Variants in CAMK2D observed in about 807,000 individuals in gnomAD.
CAMK2D encodes the protein calcium/calmodulin dependent protein kinase II delta, also known as calcium/calmodulin-dependent protein kinase type II subunit delta.
Under a neutral mutation model 84.0 loss-of-function variants are expected in CAMK2D, and 37 were observed. The ratio of observed to expected loss-of-function variants is 0.44; its 90% CI spans 0.34 to 0.58. CAMK2D has a LOEUF of 0.58. Ranked by LOEUF, CAMK2D falls within the 20% of genes least tolerant of loss-of-function variation. The probability of loss-of-function intolerance (pLI) is 0.02; values close to 1 mark genes in which losing one functional copy is unlikely to be tolerated. For synonymous variants in CAMK2D, 202 were observed against 212.5 expected (o/e 0.95, Z 0.43); for missense variants, 448 against 652.5 (o/e 0.69, Z 3.41).
intron 4 of CAMK2D, among the ~76,000 whole-genome samples, chr4:113,564,600 A>T (rs1451251478): frequency 6.6e-6 from 1 of 152,132 alleles, no homozygotes; most frequent in African/African-American, 2.4e-5. Context: ...TATTTTTGGT[A>T]TCCCTTGAAC....
At chr4:113,746,830 T>C (rs1299553769) in intron 2 of CAMK2D, among the ~76,000 whole-genome samples, 1 of 151,832 alleles carries the variant, frequency 6.6e-6, no homozygotes, top group Non-Finnish European at 1.5e-5. Flanking sequence ...ACTAAAATTC[T>C]ACTTGAGGTC....
At chr4:113,550,512 T>C (rs964402230) in intron 5 of CAMK2D, among the ~76,000 whole-genome samples, 2 of 152,242 alleles carry the variant, frequency 1.3e-5, no homozygotes, top group Non-Finnish European at 2.9e-5. Context: ...GGAATGTTCC[T>C]TCTCTTTGAT....
intron 16 of CAMK2D, among the ~76,000 whole-genome samples, chr4:113,478,559 A>G (rs1460592557): frequency 1.3e-5 from 2 of 152,182 alleles, no homozygotes; most frequent in Non-Finnish European, 2.9e-5. Flanking sequence ...CTCTTCCTAC[A>G]TTGGTCAAAA....
intron 4 of CAMK2D, among the ~76,000 whole-genome samples, chr4:113,593,188 C>T (rs2098901296): frequency 6.6e-6 from 1 of 152,144 alleles, no homozygotes; most frequent in African/African-American, 2.4e-5. Flanking sequence ...ATTATGAGGA[C>T]TTTTGGTTTC....
chr4:113,494,798 T>C (rs922243899), intron 16 of CAMK2D, among the ~76,000 whole-genome samples: 1 of 152,208 alleles, frequency 6.6e-6, no homozygotes, highest in African/African-American at 2.4e-5. Context: ...GGAGACTCCG[T>C]GGGCGTAGGA....
At chr4:113,494,368 C>A (rs1330783352) in intron 16 of CAMK2D, among the ~76,000 whole-genome samples, 1 of 152,156 alleles carries the variant, frequency 6.6e-6, no homozygotes, top group South Asian at 2.1e-4. Context: ...AGAGAGGACC[C>A]TCAGCTGCAG....
chr4:113,457,456 T>G lies in CAMK2D; in HGVS notation c.1414A>C (p.Met472Leu). The stretch of plus-strand genomic sequence containing the variant: ...GTCTTTGGCATTCCACTGCCATCCA[T>G]GTACTGTGTGAGCCTAATATATGCT... ...CIAYIRLTQY[M>L]DGSGMPKTMQ... Residue 472 changes from methionine (M) to leucine (L), a missense_variant, in exon 19 of 21, where the codon ATG (methionine) becomes CTG (leucine). Met to Leu is a conservative substitution (Grantham distance 15). This residue lies in a region of CAMK2D where 219 missense variants were observed against 272.1 expected (regional missense o/e 0.80). Coordinates refer to ENST00000511664, the MANE Select transcript of CAMK2D (RefSeq NM_001321571.2). 6.2e-7 allele frequency: 1 copy of G among 1,613,942 alleles called. No homozygotes were observed. The highest frequency in any genetic ancestry group is 1.1e-5 in the South Asian group (1 of 91,090).
chr4:113,698,867 C>A (rs1000950167), intron 2 of CAMK2D, among the ~76,000 whole-genome samples: 1 of 151,978 alleles, frequency 6.6e-6, no homozygotes. Flanking sequence ...ATGCAGATAG[C>A]AATTTCACTT....
intron 2 of CAMK2D, among the ~76,000 whole-genome samples, chr4:113,685,742 T>C (rs1259192519): frequency 6.6e-6 from 1 of 152,140 alleles, no homozygotes; most frequent in Non-Finnish European, 1.5e-5. Context: ...CTGATAATAT[T>C]GTGGAGTATG....
intron 18 of CAMK2D, among the ~76,000 whole-genome samples, chr4:113,457,771 C>G (rs534692063): frequency 1.1e-4 from 17 of 152,236 alleles, no homozygotes; most frequent in Admixed American, 9.8e-4. Context: ...TTTATTTTAT[C>G]TGGTTTCCTT....
intron 2 of CAMK2D, among the ~76,000 whole-genome samples, chr4:113,673,994 G>GTATTTTAATAAAACAGTC (rs57252635): frequency 6.6e-6 from 1 of 152,026 alleles, no homozygotes; most frequent in African/African-American, 2.4e-5. Context: ...TCTGATTACA[G>GTATTTTAATAAAACAGTC]ATTTATTATA....
At chr4:113,609,253 G>T (rs1561328789) in intron 3 of CAMK2D, 47 bp from the exon 4 acceptor site, 2 of 984,210 alleles carry the variant, frequency 2.0e-6, no homozygotes, top group South Asian at 2.6e-5. Flanking sequence ...CTATTCCAAC[G>T]ATCAACGTTA....
chr4:113,552,730 A>G (rs2098638012), intron 4 of CAMK2D, among the ~76,000 whole-genome samples: 2 of 152,222 alleles, frequency 1.3e-5, no homozygotes, highest in Admixed American at 6.5e-5. Context: ...ATGCGTGCAC[A>G]CACGTGTATG....
intron 2 of CAMK2D, among the ~76,000 whole-genome samples, chr4:113,757,505 A>G (rs2099631087): frequency 1.3e-5 from 2 of 152,200 alleles, no homozygotes; most frequent in South Asian, 2.1e-4. Flanking sequence ...GTTCTTCACC[A>G]CCAGCTCACT....
intron 2 of CAMK2D, among the ~76,000 whole-genome samples, chr4:113,731,274 T>C (rs1281577103): frequency 6.6e-6 from 1 of 152,192 alleles, no homozygotes; most frequent in Admixed American, 6.5e-5. Context: ...CCATTCATTT[T>C]ATAACTCTGT....
chr4:113,722,687 GGC>G (rs1177363446), intron 2 of CAMK2D, among the ~76,000 whole-genome samples: 5 of 152,006 alleles, frequency 3.3e-5, no homozygotes, highest in African/African-American at 1.2e-4. Flanking sequence ...AAGTGTCCTG[GGC>G]AAAACAAGAT....
chr4:113,452,942 T>C lies in CAMK2D; in HGVS notation c.*1603A>G, dbSNP rs1239743950. The C allele has an allele frequency of 2.0e-5, 3 of 152,550 alleles. No individual in the cohort carries two copies. Among genetic ancestry groups the C allele is most frequent in the Admixed American group, 2.0e-4 (3 of 15,268 alleles). The allele number at this position is 152,550 out of a possible 1,614,324, so 9.4% of individuals were successfully genotyped here. A position where few individuals can be genotyped will look rare whatever the true frequency, so the allele number is the denominator to read the frequency against. On this transcript the variant is annotated 3_prime_UTR_variant, in exon 21 of 21. Coordinates refer to ENST00000511664, the MANE Select transcript of CAMK2D (RefSeq NM_001321571.2). ...TAGTAATCAACACAGAGAGGTGAGA[T>C]GAGAGAAAAGAGGAAGGGTTGTTTT...
intron 5 of CAMK2D, among the ~76,000 whole-genome samples, chr4:113,551,597 G>A (rs1251810103): frequency 6.6e-6 from 1 of 152,120 alleles, no homozygotes; most frequent in Non-Finnish European, 1.5e-5. Context: ...TAGGCAGTTG[G>A]CTAGACCAAC....
intron 4 of CAMK2D, among the ~76,000 whole-genome samples, chr4:113,593,714 G>A (rs1255150934): frequency 2.0e-5 from 3 of 152,172 alleles, no homozygotes; most frequent in Non-Finnish European, 4.4e-5. Context: ...CAACCTGCTG[G>A]GGTTTTATCA....
Sources: gnomAD v4.1 joint callset for allele counts (sites outside exome capture counted in the v4.1 genomes callset) on GRCh38, gnomAD v4.1.1 for gene constraint, gnomAD v4.1.1 regional missense constraint, MANE v1.5 for transcripts, NCBI Gene and HGNC (gene_info 2026-07-23, HGNC 2026-07-21) for gene names.